Variants in MARK3 observed in about 807,000 individuals in gnomAD.
MARK3 encodes MAP/microtubule affinity-regulating kinase 3.
Under a neutral mutation model 90.1 loss-of-function variants are expected in MARK3, and 46 were observed. The observed-to-expected ratio is 0.51, with a 90% confidence interval of 0.40 to 0.65. The LOEUF is 0.65. MARK3 is among the 30% of genes least tolerant of loss of function. MARK3 has a pLI of 0.00. For synonymous variants in MARK3, 321 were observed against 332.6 expected (o/e 0.97, Z 0.38); for missense variants, 818 against 947.2 (o/e 0.86, Z 1.79).
intron 5 of MARK3, among the ~76,000 whole-genome samples, chr14:103,455,592 G>A (rs1352476649): frequency 6.6e-6 from 1 of 152,040 alleles, no homozygotes; most frequent in East Asian, 1.9e-4. Context: ...GCCGGGTGTG[G>A]TGACGCACGC....
chr14:103,458,880 A>G lies in MARK3; in HGVS notation c.483+1668A>G. 7.9e-6 allele frequency: 4 copies of G among 507,670 alleles called. No homozygotes were observed. The South Asian group carries it at 1.2e-4, about 16-fold the overall frequency. 31.4% of individuals were successfully genotyped at this position (507,670 alleles called of 1,614,324 possible). On this transcript the variant is annotated intron_variant, in intron 6 of 17. Transcript: ENST00000429436. ...AATACTAATGGTACTTTGAATTCAA[A>G]TCTAGTAAAACCAAAGTAAAAATCA...
intron 1 of MARK3, among the ~76,000 whole-genome samples, chr14:103,395,178 G>T (rs1347651916): frequency 1.3e-5 from 2 of 152,156 alleles, no homozygotes; most frequent in Non-Finnish European, 2.9e-5. Context: ...TCGAGATAAA[G>T]ATTCTGAAGA....
chr14:103,498,755 CTG>C (rs1163839702), intron 16 of MARK3: 1 of 283,048 alleles, frequency 3.5e-6, no homozygotes, highest in Non-Finnish European at 6.5e-6. Flanking sequence ...GATGCATGCT[CTG>C]TGTATTTTCT....
rs35134316 is a variant in MARK3, at chr14:103,428,742, G to GT, written c.297+309dup. The stretch of plus-strand genomic sequence containing the variant: ...TTGAATATTCTTAATATTGACTAGA[G>GT]TTTTTTTAAAAATAATACAGTACAA... On this transcript the variant is annotated intron_variant, in intron 3 of 17. Transcript: ENST00000429436. 2.6e-5 allele frequency among the ~76,000 whole-genome samples: 4 copies of GT among 152,014 alleles called. No individual in the cohort carries two copies. In the East Asian group the frequency reaches 7.7e-4, roughly 29 times the overall value.
intron 2 of MARK3, among the ~76,000 whole-genome samples, chr14:103,407,301 G>C (rs1177813264): frequency 1.3e-5 from 2 of 152,132 alleles, no homozygotes; most frequent in Admixed American, 1.3e-4. Flanking sequence ...ATGTGTATGA[G>C]CTCATGTTAC....
intron 2 of MARK3, chr14:103,412,183 T>G (rs2091682106): frequency 2.2e-6 from 3 of 1,357,956 alleles, no homozygotes; most frequent in Non-Finnish European, 3.0e-6. Context: ...ATTCTGCCAG[T>G]TTTTTCTCGA....
At chr14:103,437,084 ACT>A (rs1465309344) in intron 3 of MARK3, among the ~76,000 whole-genome samples, 3 of 149,938 alleles carry the variant, frequency 2.0e-5, no homozygotes, top group Non-Finnish European at 4.4e-5. Context: ...CAAATGAGAA[ACT>A]CTGCCAAAAA....
intron 12 of MARK3, 74 bp downstream of exon 12, chr14:103,468,260 C>T (rs899798728): frequency 6.7e-6 from 8 of 1,187,100 alleles, no homozygotes; most frequent in Middle Eastern, 4.3e-4. Context: ...GAAGCATTCT[C>T]TTGCTCAGAG....
intron 4 of MARK3, among the ~76,000 whole-genome samples, chr14:103,450,918 A>ATTTT (rs1566866017): frequency 4.0e-4 from 12 of 29,716 alleles, no homozygotes; most frequent in Non-Finnish European, 6.1e-4. Context: ...GTGTGTGTGT[A>ATTTT]TTCTTTTTTT....
intron 4 of MARK3, among the ~76,000 whole-genome samples, chr14:103,450,974 A>G (rs1407580858): frequency 8.4e-6 from 1 of 119,152 alleles, no homozygotes; most frequent in Non-Finnish European, 1.6e-5. Flanking sequence ...TCTGTTGTCC[A>G]GGCTGGAGTG....
chr14:103,454,669 T>TC (rs1424148529), intron 5 of MARK3, among the ~76,000 whole-genome samples: 1 of 152,140 alleles, frequency 6.6e-6, no homozygotes, highest in South Asian at 2.1e-4. Flanking sequence ...CCATTGCATC[T>TC]CCCCCACCCG....
intron 2 of MARK3, chr14:103,417,437 A>G (rs1196895886): frequency 6.6e-6 from 1 of 152,224 alleles, no homozygotes; most frequent in Non-Finnish European, 1.5e-5. Context: ...GATATTGGGA[A>G]TGTCAAAGAC....
chr14:103,407,552 C>G (rs1343588868), intron 2 of MARK3, among the ~76,000 whole-genome samples: 1 of 72,306 alleles, frequency 1.4e-5, no homozygotes, highest in Non-Finnish European at 2.7e-5. Context: ...CCTGTTTTGC[C>G]TCTTTTTTTT....
intron 3 of MARK3, among the ~76,000 whole-genome samples, chr14:103,441,031 G>T (rs117142068): frequency 1.2e-3 from 179 of 151,044 alleles, no homozygotes; most frequent in Middle Eastern, 3.4e-3. Context: ...TTCATATTTA[G>T]GTTTTTTGTT....
chr14:103,475,377 A>G (rs1358380903), intron 13 of MARK3, among the ~76,000 whole-genome samples, 167 bp downstream of exon 13: 1 of 152,278 alleles, frequency 6.6e-6, no homozygotes, highest in South Asian at 2.1e-4. Context: ...CATTGTAGGT[A>G]TTTATTGTTG....
intron 3 of MARK3, among the ~76,000 whole-genome samples, chr14:103,431,273 G>C (rs1214097365): frequency 1.3e-5 from 2 of 151,946 alleles, no homozygotes; most frequent in Non-Finnish European, 2.9e-5. Flanking sequence ...TGTATTTTTA[G>C]TACAGATGGG....
intron 2 of MARK3, among the ~76,000 whole-genome samples, chr14:103,414,748 G>A (rs534440429): frequency 2.0e-5 from 3 of 152,266 alleles, no homozygotes; most frequent in Admixed American, 2.0e-4. Context: ...CAGAGATGTA[G>A]AATTATATCG....
At position 103,451,913 on chromosome 14, in the gene MARK3, C is replaced by T. The variant is rs750242146; in HGVS notation, c.347-5C>T. The T allele has an allele frequency of 2.0e-5, 32 of 1,606,802 alleles. No homozygotes were observed. The highest frequency in any genetic ancestry group is 2.3e-5 in the Non-Finnish European group (27 of 1,174,934). On this transcript the variant is annotated splice_region_variant and splice_polypyrimidine_tract_variant and intron_variant, in intron 4 of 17. Coordinates refer to ENST00000429436, the MANE Select transcript of MARK3 (RefSeq NM_001128918.3). ...TTTTCTTCCGTGTCCTCTCCTCTCC[C>T]GCAGTGAAGTTATTCGAAGTCATTG...
At chr14:103,414,957 G>GCCTGGC (rs59849232) in intron 2 of MARK3, among the ~76,000 whole-genome samples, 4,228 of 152,008 alleles carry the variant, frequency 0.028, 215 homozygotes, top group African/African-American at 0.097. Flanking sequence ...TTTGGGACCA[G>GCCTGGC]CCTGGCCAAC....
Sources: gnomAD v4.1 joint callset for allele counts (sites outside exome capture counted in the v4.1 genomes callset) on GRCh38, gnomAD v4.1.1 for gene constraint, MANE v1.5 for transcripts, NCBI Gene and HGNC (gene_info 2026-07-23, HGNC 2026-07-21) for gene names.